TLK2: variants seen among roughly 807,000 people sequenced by gnomAD.
TLK2 encodes tousled like kinase 2.
In TLK2, 6 loss-of-function variants were observed where a neutral mutation model predicts 117.3. The observed-to-expected ratio is 0.05, with a 90% CI of 0.03 to 0.10. TLK2 has a LOEUF of 0.10. TLK2 is among the 10% of genes least tolerant of loss of function. The pLI, the probability that TLK2 is intolerant of heterozygous loss-of-function variation, is 1.00. For missense variants in TLK2, 299 were observed against 901.2 expected, an observed-to-expected ratio of 0.33 and a Z score of 8.56; for synonymous variants, 257 against 316.7, an observed-to-expected ratio of 0.81 and a Z score of 2.00.
chr17:62,474,179 T>C (rs7213822), upstream of TLK2, among the ~76,000 whole-genome samples: 138,129 of 150,458 alleles, frequency 0.92, 64,537 homozygotes, highest in Non-Finnish European at 1. Flanking sequence ...CCTGGGTTCA[T>C]GCCATTCTCC....
intron 2 of TLK2, among the ~76,000 whole-genome samples, chr17:62,503,843 C>T (rs1008859309): frequency 6.6e-6 from 1 of 151,844 alleles, no homozygotes; most frequent in African/African-American, 2.4e-5. Context: ...ATTCTCCTGC[C>T]TCAGCCTCCC....
At chr17:62,589,495 G>T (rs528247241) in intron 16 of TLK2, among the ~76,000 whole-genome samples, 1 of 152,298 alleles carries the variant, frequency 6.6e-6, no homozygotes, top group Non-Finnish European at 1.5e-5. Flanking sequence ...GTTGAAAGTT[G>T]AACATGGCTC....
intron 1 of TLK2, among the ~76,000 whole-genome samples, chr17:62,473,819 G>A (rs900646015): frequency 9.2e-5 from 14 of 152,202 alleles, no homozygotes; most frequent in African/African-American, 2.9e-4. Flanking sequence ...TTACGACAGA[G>A]ACAATATGGC....
chr17:62,479,706 G>A (rs1482226156), intron 1 of TLK2, among the ~76,000 whole-genome samples: 1 of 152,240 alleles, frequency 6.6e-6, no homozygotes, highest in Non-Finnish European at 1.5e-5. Flanking sequence ...CTGCAGGGAG[G>A]ATCCCAGTCC....
intron 6 of TLK2, among the ~76,000 whole-genome samples, chr17:62,527,376 A>G (rs1219042736): frequency 6.6e-6 from 1 of 152,168 alleles, no homozygotes; most frequent in Non-Finnish European, 1.5e-5. Context: ...AAGAGTACAC[A>G]TTGTAAGTCT....
chr17:62,545,551 A>T (rs917361547), intron 7 of TLK2, among the ~76,000 whole-genome samples: 2 of 151,918 alleles, frequency 1.3e-5, no homozygotes, highest in African/African-American at 4.8e-5. Flanking sequence ...CAGGAGACGG[A>T]GGTTGCAGTG....
At chr17:62,519,907 C>T (rs768792822) in intron 2 of TLK2, among the ~76,000 whole-genome samples, 3 of 152,148 alleles carry the variant, frequency 2.0e-5, no homozygotes, top group Admixed American at 6.6e-5. Context: ...CCAGGAACCT[C>T]TTTCCACTTG....
intron 16 of TLK2, among the ~76,000 whole-genome samples, chr17:62,593,482 T>C (rs1426713176): frequency 6.6e-6 from 1 of 152,244 alleles, no homozygotes; most frequent in Non-Finnish European, 1.5e-5. Flanking sequence ...ATGAAAATAT[T>C]TTCTTTCCTT....
chr17:62,475,024 C>T (rs147529962), upstream of TLK2, among the ~76,000 whole-genome samples: 401 of 152,176 alleles, frequency 2.6e-3, 2 homozygotes, highest in African/African-American at 9.1e-3. Context: ...CCATCCTGGG[C>T]GATAGAGCCA....
At chr17:62,562,387 A>C (rs969070599) in intron 10 of TLK2, among the ~76,000 whole-genome samples, 1 of 152,190 alleles carries the variant, frequency 6.6e-6, no homozygotes, top group Non-Finnish European at 1.5e-5. Flanking sequence ...ATGAAAATGC[A>C]ATCATAGAGT....
intron 2 of TLK2, among the ~76,000 whole-genome samples, chr17:62,490,651 C>G (rs2073018260): frequency 6.6e-6 from 1 of 152,206 alleles, no homozygotes; most frequent in Admixed American, 6.5e-5. Flanking sequence ...AAGCGATTCT[C>G]CTGCCTCAGC....
At chr17:62,598,214 T>C (rs1485104146) in intron 17 of TLK2, among the ~76,000 whole-genome samples, 1 of 152,240 alleles carries the variant, frequency 6.6e-6, no homozygotes, top group Non-Finnish European at 1.5e-5. Flanking sequence ...ATTACTGTTT[T>C]GCCTTGAGCA....
intron 3 of TLK2, among the ~76,000 whole-genome samples, chr17:62,521,739 T>A (rs2076063676): frequency 6.6e-6 from 1 of 152,174 alleles, no homozygotes; most frequent in Admixed American, 6.5e-5. Context: ...TGAGATTTTT[T>A]TTTTTTATTT....
chr17:62,499,215 C>T (rs1036580891), intron 2 of TLK2, among the ~76,000 whole-genome samples: 4 of 151,894 alleles, frequency 2.6e-5, no homozygotes, highest in Non-Finnish European at 5.9e-5. Flanking sequence ...TTGGTGTGCG[C>T]TTGTAGTCCC....
intron 7 of TLK2, among the ~76,000 whole-genome samples, chr17:62,546,737 T>G (rs1298765690): frequency 6.6e-6 from 1 of 151,660 alleles, no homozygotes; most frequent in Non-Finnish European, 1.5e-5. Context: ...TAAAAATATT[T>G]TTAGTAGAGA....
At chr17:62,504,842 CTA>C (rs761775525) in intron 2 of TLK2, among the ~76,000 whole-genome samples, 2 of 151,960 alleles carry the variant, frequency 1.3e-5, no homozygotes, top group Non-Finnish European at 2.9e-5. Flanking sequence ...AATTTTGAGT[CTA>C]TTTTATTATT....
At position 62,615,205 on chromosome 17, in the gene TLK2, A is replaced by G. The variant is rs1485990238; in HGVS notation, c.*2640A>G. ...TCCGGGCAAGACCTTCTTCCGAGGC[A>G]TGGACAAGCCCCAGAGAACATGCAG... On this transcript the variant is annotated 3_prime_UTR_variant, in exon 22 of 22. Transcript: ENST00000346027. 1 of 152,170 alleles carries G rather than the reference A, an allele frequency of 6.6e-6. No homozygotes were observed. Among genetic ancestry groups the G allele is most frequent in the Non-Finnish European group, 1.5e-5 (1 of 68,044 alleles). The allele number at this position is 152,170 out of a possible 1,614,324, so 9.4% of individuals were successfully genotyped here.
intron 12 of TLK2, among the ~76,000 whole-genome samples, chr17:62,573,994 C>T (rs1306164805): frequency 6.6e-6 from 1 of 152,180 alleles, no homozygotes; most frequent in Non-Finnish European, 1.5e-5. Flanking sequence ...AAATTCTAAG[C>T]ACAAATGCCT....
In TLK2 at chr17:62,567,995, T is replaced by A. The variant is rs2079941238; in HGVS notation, c.968+2858T>A. Among the ~76,000 whole-genome samples the A allele has an allele frequency of 2.6e-5, 4 of 152,192 alleles. No individual in the cohort carries two copies. The South Asian group carries it at 8.3e-4, about 32-fold the overall frequency. On this transcript the variant is annotated intron_variant, in intron 11 of 21. Coordinates refer to ENST00000346027, the MANE Select transcript of TLK2 (RefSeq NM_006852.6). ...TTTGAAAAAGTAGCTTATTTTATAG[T>A]TCTGAGAAAGTAATGTTAAATACTA... is the stretch of plus-strand genomic sequence containing the variant.
Sources: allele counts gnomAD v4.1 joint callset (sites outside exome capture counted in the v4.1 genomes callset), GRCh38; gene constraint gnomAD v4.1.1; transcripts MANE v1.5; gene names NCBI Gene and HGNC (gene_info 2026-07-23, HGNC 2026-07-21).